The following UNC13B variants were observed in gnomAD, a reference collection of about 807,000 sequenced individuals.
UNC13B encodes unc-13 homolog B, also known as protein unc-13 homolog B.
A neutral mutation model predicts 211.0 loss-of-function variants in UNC13B; 144 were observed. That is an observed-to-expected ratio of 0.68 (90% CI 0.60 to 0.78). UNC13B has a LOEUF of 0.78. Ranked by LOEUF, UNC13B falls within the 30% of genes least tolerant of loss-of-function variation. The pLI is 0.00. For missense variants in UNC13B, 1,777 were observed against 2,002.0 expected, an observed-to-expected ratio of 0.89 and a Z score of 2.14; for synonymous variants, 709 against 725.8, an observed-to-expected ratio of 0.98 and a Z score of 0.37.
At chr9:35,244,369 C>T (rs1238779838) in intron 6 of UNC13B, among the ~76,000 whole-genome samples, 1 of 152,104 alleles carries the variant, frequency 6.6e-6, no homozygotes, top group Admixed American at 6.6e-5. Context: ...AGCCAAAATG[C>T]AGTGGTTTGA....
At chr9:35,242,330 AT>A (rs1825856061) in intron 5 of UNC13B, among the ~76,000 whole-genome samples, 1 of 152,178 alleles carries the variant, frequency 6.6e-6, no homozygotes, top group Admixed American at 6.5e-5. Flanking sequence ...CATCTTAACC[AT>A]TTTTAAGTGT....
chr9:35,345,185 G>A (rs1484584579), intron 11 of UNC13B, among the ~76,000 whole-genome samples: 1 of 152,154 alleles, frequency 6.6e-6, no homozygotes, highest in African/African-American at 2.4e-5. Context: ...GAGGGTATGT[G>A]AGTGTTAAAC....
intron 31 of UNC13B, 43 bp from the exon 32 acceptor site, chr9:35,398,511 G>C (rs1836042395): frequency 6.3e-7 from 1 of 1,592,536 alleles, no homozygotes; most frequent in Non-Finnish European, 8.6e-7. Context: ...GTAGAAGAGG[G>C]TAAGAAAAGC....
At position 35,398,893 on chromosome 9, in the gene UNC13B, G is replaced by A. The variant is rs199650122; in HGVS notation, c.11933G>A (p.Arg3978Gln). 125 of 1,613,848 alleles carry A rather than the reference G, an allele frequency of 7.7e-5. No individual in the cohort carries two copies. Among genetic ancestry groups the A allele is most frequent in the Admixed American group, 2.3e-4 (14 of 59,998 alleles). The change falls in exon 33 of 40, where the codon CGG becomes CAG. Residue 3978 changes from arginine to glutamine, a missense_variant. Coordinates refer to ENST00000635942, the MANE Select transcript of UNC13B (RefSeq NM_001371189.2). ...GGGCACATGTGTAGTTTCCAGGTAC[G>A]GATTGATGAGTGTGTTCGACAAATG... ...SMVFGNSFQV[R>Q]IDECVRQMAD...
At chr9:35,351,656 G>A (rs947881407) in intron 11 of UNC13B, 6 of 1,232,140 alleles carry the variant, frequency 4.9e-6, no homozygotes, top group African/African-American at 4.7e-5. Context: ...TGGCCCTGCT[G>A]GATCCTTACC....
intron 11 of UNC13B, among the ~76,000 whole-genome samples, chr9:35,337,301 C>T (rs1181464305): frequency 1.3e-5 from 2 of 152,080 alleles, no homozygotes; most frequent in Admixed American, 1.3e-4. Flanking sequence ...CTAAAGATTG[C>T]AGAGGAGACA....
At chr9:35,343,339 G>A (rs1032985021) in intron 11 of UNC13B, among the ~76,000 whole-genome samples, 9 of 152,192 alleles carry the variant, frequency 5.9e-5, no homozygotes, top group Non-Finnish European at 1.2e-4. Flanking sequence ...GGATAGGATA[G>A]CGTACTCTTG....
intron 13 of UNC13B, among the ~76,000 whole-genome samples, chr9:35,370,752 A>G (rs987328605): frequency 6.6e-6 from 1 of 152,206 alleles, no homozygotes; most frequent in African/African-American, 2.4e-5. Context: ...CCTCTTGATC[A>G]TTGAGCTTGG....
intron 11 of UNC13B, among the ~76,000 whole-genome samples, chr9:35,330,392 C>T (rs1196082244): frequency 6.6e-6 from 1 of 152,228 alleles, no homozygotes; most frequent in Non-Finnish European, 1.5e-5. Context: ...TCCATTGACA[C>T]TGCTGTTTTT....
intron 6 of UNC13B, among the ~76,000 whole-genome samples, chr9:35,247,668 G>A (rs1826186362): frequency 6.6e-6 from 1 of 152,170 alleles, no homozygotes; most frequent in East Asian, 1.9e-4. Flanking sequence ...ATTGATTTGT[G>A]TATGTTGAAC....
chr9:35,397,079 C>T, intron 28 of UNC13B, 88 bp from the exon 29 acceptor site: 1 of 1,602,768 alleles, frequency 6.2e-7, no homozygotes, highest in Non-Finnish European at 8.5e-7. Context: ...CCATTAGCCA[C>T]TCTTGCTGGT....
intron 9 of UNC13B, among the ~76,000 whole-genome samples, chr9:35,309,602 C>A (rs1340880789): frequency 6.6e-6 from 1 of 152,194 alleles, no homozygotes; most frequent in Non-Finnish European, 1.5e-5. Context: ...CTGTCACATT[C>A]TCTGCTATAA....
chr9:35,367,070 A>G, intron 12 of UNC13B, 77 bp downstream of exon 12: 1 of 1,423,136 alleles, frequency 7.0e-7, no homozygotes, highest in South Asian at 1.2e-5. Context: ...CCTGGGAAGC[A>G]GGGGAACCAG....
rs376173481 is a variant in UNC13B at position 35,288,607 on chromosome 9, C to T, written c.527-7089C>T. Among the ~76,000 whole-genome samples, 121 of 152,230 alleles carry T rather than the reference C, an allele frequency of 7.9e-4. 1 individual carries two copies. In the South Asian group the frequency reaches 0.019, roughly 24 times the overall value. ...GGGAAGGAAACTTGCTTATTTAAAC[C>T]GGTGTAATTTATCTTATGACGGTTC... is the stretch of plus-strand genomic sequence containing the variant. On this transcript the variant is annotated intron_variant, in intron 7 of 39. Coordinates refer to ENST00000635942, the MANE Select transcript of UNC13B (RefSeq NM_001371189.2).
chr9:35,348,973 A>C (rs1234774084), intron 11 of UNC13B, among the ~76,000 whole-genome samples: 1 of 151,962 alleles, frequency 6.6e-6, no homozygotes, highest in East Asian at 1.9e-4. Context: ...GCTGGAGTGC[A>C]GTGGTGCGAT....
chr9:35,298,461 C>T (rs1044437693), intron 8 of UNC13B, among the ~76,000 whole-genome samples: 2 of 152,108 alleles, frequency 1.3e-5, no homozygotes. Context: ...AGGATGATGT[C>T]CTTTTCTTGC....
intron 1 of UNC13B, among the ~76,000 whole-genome samples, chr9:35,203,960 T>A (rs1269075641): frequency 1.3e-5 from 2 of 152,232 alleles, no homozygotes; most frequent in Non-Finnish European, 2.9e-5. Flanking sequence ...TGGCAGCCTC[T>A]CCCATCACAG....
Position 35,228,041 on chromosome 9 carries a change from C to A in UNC13B, c.49C>A (p.Pro17Thr). The change falls in exon 2 of 40, where the codon CCA becomes ACA. Residue 17 changes from proline (P) to threonine (T), a missense_variant. Physicochemically the swap from Pro to Thr is conservative, Grantham distance 38. Coordinates refer to ENST00000635942, the MANE Select transcript of UNC13B (RefSeq NM_001371189.2). ...TAAAAGGGCCAAATTCCAGGGTTCA[C>A]CAGGTAAGGCCAGCTTTCTATTATG... Reference protein sequence around the residue: ...RVKRAKFQGSPDKFNTYVTLK... With the variant: ...RVKRAKFQGSTDKFNTYVTLK... 6.2e-7 allele frequency: 1 copy of A among 1,611,790 alleles called. No individual in the cohort carries two copies. Among genetic ancestry groups the A allele is most frequent in the Non-Finnish European group, 8.5e-7 (1 of 1,179,002 alleles).
At chr9:35,259,796 C>CGGG (rs563086434) in intron 7 of UNC13B, among the ~76,000 whole-genome samples, 1,165 of 13,880 alleles carry the variant, frequency 0.084, 11 homozygotes, top group Admixed American at 0.13. Context: ...TAGGGGGATG[C>CGGG]GGGGGGGGGG....
Sources: gnomAD v4.1 joint callset for allele counts (sites outside exome capture counted in the v4.1 genomes callset) on GRCh38, gnomAD v4.1.1 for gene constraint, MANE v1.5 for transcripts, NCBI Gene and HGNC (gene_info 2026-07-23, HGNC 2026-07-21) for gene names.